The following ZFHX3 variants were observed in gnomAD, a reference collection of about 807,000 sequenced individuals.
ZFHX3 encodes the protein zinc finger homeobox 3, also known as zinc finger homeobox protein 3.
Under a neutral mutation model 279.1 loss-of-function variants are expected in ZFHX3, and 42 were observed. The observed-to-expected ratio is 0.15, with a 90% confidence interval of 0.12 to 0.19. ZFHX3 has a LOEUF of 0.19. ZFHX3 is among the 10% of genes least tolerant of loss of function. The pLI, the probability that ZFHX3 is intolerant of heterozygous loss-of-function variation, is 1.00. For synonymous variants in ZFHX3, 2,293 were observed against 1,957.8 expected (o/e 1.17, Z -4.52); for missense variants, 4,981 against 4,754.0 (o/e 1.05, Z -1.40).
At chr16:73,035,391 G>A (rs993660492) in intron 1 of ZFHX3, among the ~76,000 whole-genome samples, 5 of 152,132 alleles carry the variant, frequency 3.3e-5, no homozygotes, top group South Asian at 2.1e-4. Context: ...AGATTCAGGC[G>A]GGATTCTAAG....
At chr16:73,206,424 G>C (rs1346030548) in intron 5 of ZFHX3, among the ~76,000 whole-genome samples, 2 of 152,150 alleles carry the variant, frequency 1.3e-5, no homozygotes, top group Non-Finnish European at 1.5e-5. Flanking sequence ...TGCTGTTTTA[G>C]ACATTTATGT....
intron 4 of ZFHX3, among the ~76,000 whole-genome samples, chr16:72,879,340 C>T (rs1055855351): frequency 6.6e-6 from 1 of 152,148 alleles, no homozygotes; most frequent in African/African-American, 2.4e-5. Flanking sequence ...TAGCATCTAC[C>T]CCAACCAGAG....
chr16:73,014,929 G>T (rs1964046301), intron 1 of ZFHX3: 1 of 152,008 alleles, frequency 6.6e-6, no homozygotes, highest in South Asian at 2.1e-4. Context: ...CCCTACCAAG[G>T]GGTTCACACT....
chr16:73,244,615 A>T (rs1224952110), intron 5 of ZFHX3, among the ~76,000 whole-genome samples: 1 of 152,240 alleles, frequency 6.6e-6, no homozygotes, highest in Non-Finnish European at 1.5e-5. Flanking sequence ...CCCGAAGCAG[A>T]CACCTGTGCT....
intron 1 of ZFHX3, among the ~76,000 whole-genome samples, chr16:73,040,382 G>A (rs1335713424): frequency 6.6e-6 from 1 of 152,222 alleles, no homozygotes; most frequent in Non-Finnish European, 1.5e-5. Flanking sequence ...AATTAACTCT[G>A]CAAGTTGATA....
chr16:73,305,025 C>T (rs1210453015), intron 4 of ZFHX3, among the ~76,000 whole-genome samples: 1 of 152,022 alleles, frequency 6.6e-6, no homozygotes, highest in African/African-American at 2.4e-5. Context: ...GATCTCTTTA[C>T]CCCCTTGCCC....
chr16:73,717,665 C>T (rs939643858), intron 1 of ZFHX3, among the ~76,000 whole-genome samples: 9 of 152,256 alleles, frequency 5.9e-5, no homozygotes, highest in Middle Eastern at 3.4e-3. Context: ...CCTTCATCTC[C>T]GAGTTCGGAC....
At chr16:72,904,181 C>T (rs930309549) in intron 3 of ZFHX3, among the ~76,000 whole-genome samples, 1 of 152,064 alleles carries the variant, frequency 6.6e-6, no homozygotes, top group Non-Finnish European at 1.5e-5. Flanking sequence ...GCTTGGCCAA[C>T]ATGGCAAAAC....
At chr16:73,554,137 G>C (rs1444823010) in intron 2 of ZFHX3, 1 of 152,172 alleles carries the variant, frequency 6.6e-6, no homozygotes, top group Non-Finnish European at 1.5e-5. Flanking sequence ...CTGCTATCTT[G>C]TGAGAGACAC....
intron 4 of ZFHX3, among the ~76,000 whole-genome samples, chr16:73,275,107 T>C (rs1385554069): frequency 6.6e-6 from 1 of 152,228 alleles, no homozygotes; most frequent in Non-Finnish European, 1.5e-5. Context: ...AGTAGCCCGA[T>C]TCCAGGTTGC....
At position 73,166,943 on chromosome 16, in the gene ZFHX3, C is replaced by T. The variant is rs569425404; in HGVS notation, c.-1103-23112G>A. ...CCTTAATGTCATTGACAACACAACA[C>T]GACACAACACAACACACAGCATCCT... On this transcript the variant is annotated intron_variant, in intron 5 of 17. Coordinates refer to the ZFHX3 transcript ENST00000641206. 5.9e-5 allele frequency among the ~76,000 whole-genome samples: 9 copies of T among 152,244 alleles called. No individual in the cohort carries two copies. The East Asian group carries it at 1.5e-3, about 26-fold the overall frequency.
chr16:73,737,870 A>G (rs943083803), intron 1 of ZFHX3, among the ~76,000 whole-genome samples: 1 of 152,140 alleles, frequency 6.6e-6, no homozygotes, highest in African/African-American at 2.4e-5. Context: ...ATAAAACTCA[A>G]ATCAGACAAT....
chr16:72,998,121 C>G (rs1310413601), intron 1 of ZFHX3, among the ~76,000 whole-genome samples: 1 of 152,120 alleles, frequency 6.6e-6, no homozygotes. Context: ...TAATTCAAGG[C>G]TAGGTGCGGT....
chr16:73,889,975 T>G (rs1191377514), intron 1 of ZFHX3, among the ~76,000 whole-genome samples: 1 of 152,172 alleles, frequency 6.6e-6, no homozygotes, highest in Non-Finnish European at 1.5e-5. Context: ...TTAATGTTAG[T>G]GATGTTCTGT....
chr16:73,329,197 G>A (rs1276051464), intron 3 of ZFHX3, among the ~76,000 whole-genome samples: 1 of 152,238 alleles, frequency 6.6e-6, no homozygotes, highest in Admixed American at 6.5e-5. Context: ...TGGCGAACCA[G>A]ATTCACCTCT....
At chr16:73,575,428 C>T (rs2051789827) in intron 2 of ZFHX3, among the ~76,000 whole-genome samples, 1 of 152,128 alleles carries the variant, frequency 6.6e-6, no homozygotes, top group Non-Finnish European at 1.5e-5. Flanking sequence ...TGATTCATTA[C>T]ACAACACAGG....
intron 1 of ZFHX3, among the ~76,000 whole-genome samples, chr16:73,682,901 AGAAAGAGAAAGAAAGAGAGAAAG>A (rs2053030657): frequency 6.3e-4 from 13 of 20,692 alleles, no homozygotes; most frequent in African/African-American, 1.7e-3. Context: ...AAAGAAAGAA[AGAAAGAGAAAGAAAGAGAGAAAG>A]AGAAAGAAAG....
At chr16:73,855,076 A>G (rs1205854827) in intron 1 of ZFHX3, among the ~76,000 whole-genome samples, 1 of 152,216 alleles carries the variant, frequency 6.6e-6, no homozygotes, top group African/African-American at 2.4e-5. Flanking sequence ...AGCAAAATAA[A>G]AAACAATAAG....
At chr16:73,161,132 C>T (rs1967226128) in intron 5 of ZFHX3, among the ~76,000 whole-genome samples, 1 of 152,090 alleles carries the variant, frequency 6.6e-6, no homozygotes, top group Admixed American at 6.6e-5. Flanking sequence ...GGCACCATGC[C>T]TGGCTAATCT....
Sources: allele counts gnomAD v4.1 joint callset (sites outside exome capture counted in the v4.1 genomes callset), GRCh38; gene constraint gnomAD v4.1.1; transcripts MANE v1.5; gene names NCBI Gene and HGNC (gene_info 2026-07-23, HGNC 2026-07-21).